MEX3C: variants seen among roughly 807,000 people sequenced by gnomAD.
MEX3C encodes the protein RNA-binding E3 ubiquitin-protein ligase MEX3C.
MEX3C carries 15 observed loss-of-function variants against 35.5 expected under a neutral mutation model. That is an observed-to-expected ratio of 0.42 (90% CI 0.28 to 0.65). The LOEUF (loss-of-function observed/expected upper bound fraction) is 0.65, where lower values mean the gene tolerates loss of function less well. Ranked by LOEUF, MEX3C falls within the 30% of genes least tolerant of loss-of-function variation. The pLI, the probability that MEX3C is intolerant of heterozygous loss-of-function variation, is 0.20. For missense variants in MEX3C, 711 were observed against 842.8 expected (o/e 0.84, Z 1.94); for synonymous variants, 390 against 352.8 (o/e 1.11, Z -1.18).
chr18:51,196,558 T>C lies in MEX3C; in HGVS notation c.754+9A>G. On this transcript the variant is annotated intron_variant, in intron 1 of 1. Transcript: ENST00000406189. ...ATGCCCAGCTGGACCTCCCCACCCC[T>C]GCACTCACCCTGGCGGCCGACGATC... The C allele has an allele frequency of 6.4e-7, 1 of 1,572,554 alleles. No individual in the cohort carries two copies. The highest frequency in any genetic ancestry group is 8.6e-7 in the Non-Finnish European group (1 of 1,166,718).
At chr18:51,190,293 G>A (rs1912625486) in intron 1 of MEX3C, among the ~76,000 whole-genome samples, 1 of 152,166 alleles carries the variant, frequency 6.6e-6, no homozygotes, top group Non-Finnish European at 1.5e-5. Flanking sequence ...CAGAAGAGAA[G>A]GCAAAGGGAA....
At position 51,175,528 on chromosome 18, in the gene MEX3C, T is replaced by C. The variant is rs1912281118; in HGVS notation, c.*823A>G. On this transcript the variant is annotated 3_prime_UTR_variant, in exon 2 of 2. Transcript: ENST00000406189. ...ATAAAATGTTTCACATTTTGATCTA[T>C]AGTCTAAAAATTAACAGCTCGATCA... is the stretch of plus-strand genomic sequence containing the variant. 2.0e-5 allele frequency: 3 copies of C among 152,636 alleles called. No homozygotes were observed. The highest frequency in any genetic ancestry group is 4.4e-5 in the Non-Finnish European group (3 of 68,048). 9.5% of individuals were successfully genotyped at this position (152,636 alleles called of 1,614,324 possible). A position where few individuals can be genotyped will look rare whatever the true frequency, so the allele number is the denominator to read the frequency against.
At chr18:51,187,304 C>T (rs917123160) in intron 1 of MEX3C, among the ~76,000 whole-genome samples, 9 of 152,160 alleles carry the variant, frequency 5.9e-5, no homozygotes, top group African/African-American at 1.9e-4. Context: ...AAGAATAATA[C>T]AAACATAGGC....
At chr18:51,196,351 TCA>T in intron 1 of MEX3C, 1 of 1,129,808 alleles carries the variant, frequency 8.9e-7, no homozygotes, top group Non-Finnish European at 1.2e-6. Flanking sequence ...CCGAGAAACT[TCA>T]CACTTTTTAC....
chr18:51,188,450 C>G (rs1912584267), intron 1 of MEX3C, among the ~76,000 whole-genome samples: 1 of 151,608 alleles, frequency 6.6e-6, no homozygotes, highest in Non-Finnish European at 1.5e-5. Flanking sequence ...CCGTCTCTAC[C>G]AAAAATACAA....
At chr18:51,188,895 T>G (rs1054036067) in intron 1 of MEX3C, among the ~76,000 whole-genome samples, 2 of 152,240 alleles carry the variant, frequency 1.3e-5, no homozygotes, top group Admixed American at 1.3e-4. Flanking sequence ...TATTTTCTTT[T>G]CTTATACTGT....
chr18:51,196,178 C>G (rs1400968603), intron 1 of MEX3C: 3 of 284,222 alleles, frequency 1.1e-5, no homozygotes, highest in Admixed American at 5.0e-5. Context: ...AGAAGACACT[C>G]GGCGGCGCAA....
At chr18:51,180,664 G>C (rs1204447146) in intron 1 of MEX3C, among the ~76,000 whole-genome samples, 4 of 152,112 alleles carry the variant, frequency 2.6e-5, no homozygotes, top group African/African-American at 9.7e-5. Context: ...TATATTCTTA[G>C]TAGAGACGGG....
chr18:51,180,789 CCA>C (rs1221505396), intron 1 of MEX3C, among the ~76,000 whole-genome samples: 1 of 152,170 alleles, frequency 6.6e-6, no homozygotes, highest in Non-Finnish European at 1.5e-5. Flanking sequence ...GGCCACCAAC[CCA>C]GTTTAAGCCA....
At chr18:51,184,386 A>C (rs1489710395) in intron 1 of MEX3C, among the ~76,000 whole-genome samples, 1 of 152,312 alleles carries the variant, frequency 6.6e-6, no homozygotes, top group African/African-American at 2.4e-5. Context: ...GTGTTGTTGT[A>C]AGCTGCTAAA....
rs1568236624 is a variant in MEX3C, at chr18:51,196,784, G to GGCC, written c.534_536dup (p.Ala184dup). 1.9e-6 allele frequency: 1 copy of GGCC among 526,464 alleles called. No individual in the cohort carries two copies. Among genetic ancestry groups the GGCC allele is most frequent in the South Asian group, 3.0e-5 (1 of 33,698 alleles). 32.6% of individuals were successfully genotyped at this position (526,464 alleles called of 1,614,324 possible). A position where few individuals can be genotyped will look rare whatever the true frequency, so the allele number is the denominator to read the frequency against. ...ACAGCACCCCCGCCGCCGCCGCCGC[G>GGCC]GCCGCCGCCTCCCGGGCATCGAACC... On this transcript the variant is annotated inframe_insertion, in exon 1 of 2. Coordinates refer to ENST00000406189, the MANE Select transcript of MEX3C (RefSeq NM_016626.5).
chr18:51,179,376 G>C (rs1456637546), intron 1 of MEX3C, among the ~76,000 whole-genome samples: 4 of 152,088 alleles, frequency 2.6e-5, no homozygotes, highest in Admixed American at 2.0e-4. Flanking sequence ...CCCTTCCAAA[G>C]CATTCCCAAG....
chr18:51,183,995 T>C (rs1011787612), intron 1 of MEX3C, among the ~76,000 whole-genome samples: 1 of 151,966 alleles, frequency 6.6e-6, no homozygotes, highest in Non-Finnish European at 1.5e-5. Flanking sequence ...AGTGAGACCC[T>C]GTCTCTTAAA....
Position 51,176,784 on chromosome 18 carries a change from A to C in MEX3C, c.1547T>G (p.Val516Gly). Residue 516 changes from valine to glycine, a missense_variant, in exon 2 of 2, where the codon GTT becomes GGT. Physicochemically the swap from Val to Gly is moderately radical, Grantham distance 109. Transcript: ENST00000406189. ...ACTCCCAAAGCCAGAGAGTGGGTTA[A>C]CTGGTTCAAATGGAGTCCAGATAGT... ...AQTIWTPFEP[V>G]NPLSGFGSDP... 1 of 1,614,016 alleles carries C rather than the reference A, an allele frequency of 6.2e-7. No individual in the cohort carries two copies. Among genetic ancestry groups the C allele is most frequent in the Non-Finnish European group, 8.5e-7 (1 of 1,179,898 alleles).
intron 1 of MEX3C, among the ~76,000 whole-genome samples, chr18:51,182,068 A>G (rs1011214534): frequency 3.3e-5 from 5 of 152,240 alleles, no homozygotes; most frequent in African/African-American, 1.2e-4. Context: ...CAGAATAAAA[A>G]GATATTTGAG....
intron 1 of MEX3C, among the ~76,000 whole-genome samples, chr18:51,192,737 T>C (rs1031644197): frequency 6.6e-6 from 1 of 152,144 alleles, no homozygotes; most frequent in African/African-American, 2.4e-5. Context: ...CTAAATCCAA[T>C]CTCAACTATT....
intron 1 of MEX3C, among the ~76,000 whole-genome samples, chr18:51,186,139 A>T (rs895669583): frequency 2.6e-5 from 4 of 152,136 alleles, no homozygotes; most frequent in African/African-American, 4.8e-5. Flanking sequence ...ACCTGAACTT[A>T]CCCATTCACA....
intron 1 of MEX3C, among the ~76,000 whole-genome samples, chr18:51,192,322 T>G (rs916045507): frequency 6.6e-6 from 1 of 152,112 alleles, no homozygotes; most frequent in African/African-American, 2.4e-5. Context: ...CAAAAACAAT[T>G]ACAGTAACTG....
intron 1 of MEX3C, among the ~76,000 whole-genome samples, chr18:51,189,250 T>C (rs1912604364): frequency 6.6e-6 from 1 of 152,224 alleles, no homozygotes; most frequent in Admixed American, 6.5e-5. Context: ...AAAGTCAATC[T>C]AACTGGTAAT....
Sources: allele counts gnomAD v4.1 joint callset (sites outside exome capture counted in the v4.1 genomes callset), GRCh38; gene constraint gnomAD v4.1.1; transcripts MANE v1.5; gene names NCBI Gene and HGNC (gene_info 2026-07-23, HGNC 2026-07-21).